The following RUNDC3B variants were observed in gnomAD, a reference collection of about 807,000 sequenced individuals.
RUNDC3B encodes RUN domain-containing protein 3B.
In RUNDC3B, 33 loss-of-function variants were observed where a neutral mutation model predicts 58.4. The ratio of observed to expected loss-of-function variants is 0.56; its 90% CI spans 0.43 to 0.75. The LOEUF is 0.75. Among genes scored for constraint, RUNDC3B ranks in the 30% least tolerant of loss-of-function variants. The pLI is 0.00. For synonymous variants in RUNDC3B, 193 were observed against 195.2 expected, an observed-to-expected ratio of 0.99 and a Z score of 0.10; for missense variants, 501 against 535.7, an observed-to-expected ratio of 0.94 and a Z score of 0.64.
At chr7:87,751,902 C>T (rs1833018422) in intron 6 of RUNDC3B, among the ~76,000 whole-genome samples, 2 of 152,104 alleles carry the variant, frequency 1.3e-5, no homozygotes, top group South Asian at 4.1e-4. Context: ...CCAGAACTTC[C>T]AAAACTATGT....
At chr7:87,655,667 G>A (rs1211832319) in intron 2 of RUNDC3B, among the ~76,000 whole-genome samples, 3 of 152,156 alleles carry the variant, frequency 2.0e-5, no homozygotes, top group African/African-American at 4.8e-5. Context: ...TATAGTTAAA[G>A]TGTATTGGAT....
intron 2 of RUNDC3B, among the ~76,000 whole-genome samples, chr7:87,692,229 T>G (rs1182324676): frequency 6.6e-6 from 1 of 151,932 alleles, no homozygotes; most frequent in African/African-American, 2.4e-5. Flanking sequence ...GGCAGGATAA[T>G]CCATTGAGCC....
At chr7:87,707,629 G>A (rs370769801) in intron 3 of RUNDC3B, among the ~76,000 whole-genome samples, 7 of 151,882 alleles carry the variant, frequency 4.6e-5, no homozygotes, top group Non-Finnish European at 7.4e-5. Context: ...AGCTTAGATC[G>A]CACCACTGCA....
At chr7:87,689,700 C>T (rs574408368) in intron 2 of RUNDC3B, among the ~76,000 whole-genome samples, 1 of 152,146 alleles carries the variant, frequency 6.6e-6, no homozygotes, top group South Asian at 2.1e-4. Context: ...TAATAATAAT[C>T]CCAGTTCCTA....
At chr7:87,736,859 A>G (rs1831973741) in intron 4 of RUNDC3B, among the ~76,000 whole-genome samples, 1 of 33,560 alleles carries the variant, frequency 3.0e-5, no homozygotes, top group South Asian at 1.3e-3. Context: ...ATATACCTAT[A>G]TATATATATA....
chr7:87,759,839 T>C (rs986698634), intron 6 of RUNDC3B, among the ~76,000 whole-genome samples: 5 of 151,676 alleles, frequency 3.3e-5, no homozygotes, highest in Admixed American at 2.0e-4. Context: ...TCAGTTACCC[T>C]TGTGTGATTA....
chr7:87,719,679 A>G (rs914679844), intron 4 of RUNDC3B, among the ~76,000 whole-genome samples: 4 of 151,824 alleles, frequency 2.6e-5, no homozygotes, highest in Non-Finnish European at 4.4e-5. Context: ...GTAAAAAATA[A>G]ACTTTAGTTT....
At chr7:87,632,525 T>C (rs1468944057) in intron 1 of RUNDC3B, among the ~76,000 whole-genome samples, 6 of 152,198 alleles carry the variant, frequency 3.9e-5, no homozygotes, top group Non-Finnish European at 7.4e-5. Flanking sequence ...TTGAGGACTC[T>C]AAATCTTACA....
chr7:87,693,894 T>C, intron 2 of RUNDC3B: 5 of 1,432,170 alleles, frequency 3.5e-6, no homozygotes, highest in Non-Finnish European at 4.8e-6. Flanking sequence ...GTTGTTGTTA[T>C]TTTTTTTTTA....
chr7:87,665,713 C>G (rs916411346), intron 2 of RUNDC3B, among the ~76,000 whole-genome samples: 3 of 152,004 alleles, frequency 2.0e-5, no homozygotes, highest in African/African-American at 7.2e-5. Context: ...TCAAGTAGAC[C>G]TCAGAGTTTG....
chr7:87,748,747 A>G (rs1417160506), intron 6 of RUNDC3B, among the ~76,000 whole-genome samples: 2 of 152,146 alleles, frequency 1.3e-5, no homozygotes, highest in Non-Finnish European at 2.9e-5. Context: ...TCTCAAGATA[A>G]TTACCATCTA....
intron 1 of RUNDC3B, among the ~76,000 whole-genome samples, chr7:87,637,274 A>G (rs959448746): frequency 1.1e-4 from 16 of 152,184 alleles, no homozygotes; most frequent in African/African-American, 3.6e-4. Flanking sequence ...TCTTTTTTCC[A>G]ATAGTCTATT....
intron 8 of RUNDC3B, among the ~76,000 whole-genome samples, chr7:87,799,504 A>G (rs1488025477): frequency 1.3e-5 from 2 of 152,110 alleles, no homozygotes; most frequent in Non-Finnish European, 2.9e-5. Flanking sequence ...TTTCATGAAG[A>G]TTGATAGCCT....
intron 2 of RUNDC3B, among the ~76,000 whole-genome samples, chr7:87,696,150 A>G (rs1382094409): frequency 6.6e-6 from 1 of 152,160 alleles, no homozygotes; most frequent in Non-Finnish European, 1.5e-5. Flanking sequence ...TTGTATACCT[A>G]TATTCATTGA....
At chr7:87,743,752 C>A (rs1180823308) in intron 6 of RUNDC3B, among the ~76,000 whole-genome samples, 1 of 152,080 alleles carries the variant, frequency 6.6e-6, no homozygotes, top group Non-Finnish European at 1.5e-5. Context: ...AGATTTTCTC[C>A]TCCTCTGTGG....
intron 8 of RUNDC3B, among the ~76,000 whole-genome samples, chr7:87,797,490 T>TA (rs1835880118): frequency 6.6e-6 from 1 of 152,224 alleles, no homozygotes; most frequent in East Asian, 1.9e-4. Flanking sequence ...TGGATTCAGG[T>TA]GGTGGCAGCC....
rs548177707 is a variant in RUNDC3B, at chr7:87,679,343, T to C, written c.239-21078T>C. ...CTCCTGACCTCGTGATCCACCCACC[T>C]TGGCCTCCCAAAGTGCTGGGATTAC... is the stretch of plus-strand genomic sequence containing the variant. On this transcript the variant is annotated intron_variant, in intron 2 of 10. Coordinates refer to ENST00000394654, the MANE Select transcript of RUNDC3B (RefSeq NM_001134405.2). 6.0e-5 allele frequency among the ~76,000 whole-genome samples: 9 copies of C among 149,882 alleles called. No homozygotes were observed. In the South Asian group the frequency reaches 1.9e-3, roughly 32 times the overall value.
At chr7:87,794,357 C>T (rs937993543) in intron 8 of RUNDC3B, among the ~76,000 whole-genome samples, 2 of 152,116 alleles carry the variant, frequency 1.3e-5, no homozygotes, top group Non-Finnish European at 2.9e-5. Context: ...ATTGCTTGAA[C>T]CCAGGAGGCG....
intron 6 of RUNDC3B, among the ~76,000 whole-genome samples, chr7:87,766,265 G>T (rs1193703677): frequency 6.6e-6 from 1 of 152,106 alleles, no homozygotes; most frequent in East Asian, 1.9e-4. Context: ...GTGAGGCCAT[G>T]TGAGGTTCTG....
Sources: allele counts gnomAD v4.1 joint callset (sites outside exome capture counted in the v4.1 genomes callset), GRCh38; gene constraint gnomAD v4.1.1; transcripts MANE v1.5; gene names NCBI Gene and HGNC (gene_info 2026-07-23, HGNC 2026-07-21).